The following NDUFS4 variants were observed in gnomAD, a reference collection of about 807,000 sequenced individuals.
The protein encoded by NDUFS4 is NADH:ubiquinone oxidoreductase subunit S4.
In NDUFS4, 28 loss-of-function variants were observed where a neutral mutation model predicts 24.3. The observed-to-expected ratio is 1.15, with a 90% confidence interval of 0.85 to 1.58. The LOEUF (loss-of-function observed/expected upper bound fraction) is 1.58, where lower values mean the gene tolerates loss of function less well. Among genes scored for constraint, NDUFS4 ranks in the 40% most tolerant of loss-of-function variants. The pLI is 0.00. For synonymous variants in NDUFS4, 93 were observed against 69.7 expected (o/e 1.34, Z -1.67); for missense variants, 223 against 207.9 (o/e 1.07, Z -0.45).
chr5:53,638,575 G>A (rs2607509), intron 2 of NDUFS4, among the ~76,000 whole-genome samples: 98,633 of 151,678 alleles, frequency 0.65, 32,288 homozygotes, highest in East Asian at 0.75. Flanking sequence ...AAGGTAGAGG[G>A]TTAGAAAAAA....
At chr5:53,660,397 CATT>C (rs1752298037) in intron 4 of NDUFS4, among the ~76,000 whole-genome samples, 1 of 152,040 alleles carries the variant, frequency 6.6e-6, no homozygotes, top group African/African-American at 2.4e-5. Context: ...TCCAGTCTAT[CATT>C]GTTGGACATT....
intron 2 of NDUFS4, among the ~76,000 whole-genome samples, chr5:53,612,704 T>C (rs2022201075): frequency 6.6e-6 from 1 of 152,096 alleles, no homozygotes; most frequent in Non-Finnish European, 1.5e-5. Flanking sequence ...AATAAATCGC[T>C]GTTTGATTAA....
chr5:53,585,586 T>C (rs1260711901), intron 1 of NDUFS4, among the ~76,000 whole-genome samples: 2 of 151,818 alleles, frequency 1.3e-5, no homozygotes, highest in Non-Finnish European at 2.9e-5. Flanking sequence ...CTACTAAAAA[T>C]ACGAAATTAG....
In NDUFS4 at chr5:53,678,793, G is replaced by A. The variant is rs115862264; in HGVS notation, c.425-4325G>A. Among the ~76,000 whole-genome samples the A allele has an allele frequency of 6.4e-3, 971 of 152,236 alleles. 12 individuals are homozygous for A. Among genetic ancestry groups the A allele is most frequent in the African/African-American group, 0.022 (898 of 41,546 alleles). On this transcript the variant is annotated intron_variant, in intron 4 of 4. Coordinates refer to ENST00000296684, the MANE Select transcript of NDUFS4 (RefSeq NM_002495.4). ...GTTTCAAATAGGAAGTAGAAAAGAT[G>A]AGTATAATTCGTCTAACTTACCCAT... is the stretch of plus-strand genomic sequence containing the variant.
At chr5:53,682,859 G>T (rs1252283900) in intron 4 of NDUFS4, among the ~76,000 whole-genome samples, 1 of 152,060 alleles carries the variant, frequency 6.6e-6, no homozygotes, top group African/African-American at 2.4e-5. Context: ...ATTGAGCAAG[G>T]TGAAATTGAA....
chr5:53,578,121 G>A (rs35204933), intron 1 of NDUFS4, among the ~76,000 whole-genome samples: 4 of 152,118 alleles, frequency 2.6e-5, no homozygotes, highest in Admixed American at 2.6e-4. Flanking sequence ...TTCATAGTTC[G>A]TACTAGAATG....
At chr5:53,665,532 C>T (rs1752486949) in intron 4 of NDUFS4, among the ~76,000 whole-genome samples, 1 of 152,222 alleles carries the variant, frequency 6.6e-6, no homozygotes, top group Admixed American at 6.5e-5. Context: ...ATGGCGGACG[C>T]CCCTCCCACA....
chr5:53,630,275 G>C (rs888809500), intron 2 of NDUFS4, among the ~76,000 whole-genome samples: 6 of 152,052 alleles, frequency 3.9e-5, no homozygotes, highest in Non-Finnish European at 7.4e-5. Flanking sequence ...GCTTCCCTTT[G>C]TGGTTAACTC....
chr5:53,629,536 G>T (rs1478671170), intron 2 of NDUFS4, among the ~76,000 whole-genome samples: 1 of 152,174 alleles, frequency 6.6e-6, no homozygotes, highest in Non-Finnish European at 1.5e-5. Flanking sequence ...AGGTCTCTAA[G>T]AACTTGCTTT....
At chr5:53,575,365 TGGGAGATACA>T (rs915954725) in intron 1 of NDUFS4, among the ~76,000 whole-genome samples, 3 of 151,944 alleles carry the variant, frequency 2.0e-5, no homozygotes, top group African/African-American at 7.3e-5. Context: ...TTGCATTCAG[TGGGAGATACA>T]GGGTACAGTG....
chr5:53,624,811 T>A (rs888964108), intron 2 of NDUFS4, among the ~76,000 whole-genome samples: 9 of 152,170 alleles, frequency 5.9e-5, no homozygotes, highest in Middle Eastern at 6.8e-3. Flanking sequence ...TGGCTTTTAT[T>A]TCTTTTTCTT....
chr5:53,606,654 C>T (rs1040539180), intron 2 of NDUFS4, among the ~76,000 whole-genome samples: 6 of 152,152 alleles, frequency 3.9e-5, no homozygotes, highest in Admixed American at 6.5e-5. Context: ...CATGAGTCAC[C>T]GTGCCCACTG....
chr5:53,581,616 C>T (rs1197369055), intron 1 of NDUFS4, among the ~76,000 whole-genome samples: 3 of 152,070 alleles, frequency 2.0e-5, no homozygotes, highest in Non-Finnish European at 2.9e-5. Context: ...TTCTCTGCCC[C>T]GGCCTACCCC....
At chr5:53,646,055 G>A in intron 2 of NDUFS4, 178 bp from the exon 3 acceptor site, 3 of 559,816 alleles carry the variant, frequency 5.4e-6, no homozygotes, top group Non-Finnish European at 9.5e-6. Flanking sequence ...CCATTTACAG[G>A]TATCTAAATA....
chr5:53,641,314 T>TAA lies in NDUFS4; in HGVS notation c.178-4915_178-4914dup, dbSNP rs141269653. ...CCTGCTCAGAAGGATCTAGGAGTGG[T>TAA]AAAAATAGTTTGTGAGATTGAAAAA... On this transcript the variant is annotated intron_variant, in intron 2 of 4. Coordinates refer to ENST00000296684, the MANE Select transcript of NDUFS4 (RefSeq NM_002495.4). 7.3e-3 allele frequency among the ~76,000 whole-genome samples: 1,108 copies of TAA among 152,276 alleles called. 14 individuals are homozygous for TAA. The highest frequency in any genetic ancestry group is 0.025 in the African/African-American group (1,057 of 41,562).
intron 1 of NDUFS4, among the ~76,000 whole-genome samples, chr5:53,576,815 C>A (rs1164672759): frequency 6.6e-6 from 1 of 152,132 alleles, no homozygotes; most frequent in Non-Finnish European, 1.5e-5. Flanking sequence ...GTTAAACTAT[C>A]TTTTTTCCTA....
intron 2 of NDUFS4, among the ~76,000 whole-genome samples, chr5:53,636,204 A>G (rs966489399): frequency 1.3e-5 from 2 of 152,300 alleles, no homozygotes; most frequent in African/African-American, 2.4e-5. Context: ...TTAAAAAACC[A>G]GTTTTACAGG....
intron 4 of NDUFS4, among the ~76,000 whole-genome samples, chr5:53,673,513 A>G (rs992464799): frequency 6.6e-6 from 1 of 152,208 alleles, no homozygotes; most frequent in African/African-American, 2.4e-5. Context: ...CTCATTGCAA[A>G]GTCACAGTAA....
At chr5:53,657,924 CAAAAA>C (rs55653691) in intron 3 of NDUFS4, among the ~76,000 whole-genome samples, 1 of 123,158 alleles carries the variant, frequency 8.1e-6, no homozygotes, top group East Asian at 2.4e-4. Flanking sequence ...GAGTCCATCT[CAAAAA>C]AAAAAAAAAA....
Sources: gnomAD v4.1 joint callset for allele counts (sites outside exome capture counted in the v4.1 genomes callset) on GRCh38, gnomAD v4.1.1 for gene constraint, MANE v1.5 for transcripts, NCBI Gene and HGNC (gene_info 2026-07-23, HGNC 2026-07-21) for gene names.